The following CLVS1 variants were observed in gnomAD, a reference collection of about 807,000 sequenced individuals.
CLVS1 encodes clavesin 1.
A neutral mutation model predicts 33.1 loss-of-function variants in CLVS1; 10 were observed. The observed-to-expected ratio is 0.30, with a 90% confidence interval of 0.19 to 0.51. The LOEUF (loss-of-function observed/expected upper bound fraction) is 0.51, where lower values mean the gene tolerates loss of function less well. Among genes scored for constraint, CLVS1 ranks in the 20% least tolerant of loss-of-function variants. The probability of loss-of-function intolerance (pLI) is 0.97; values close to 1 mark genes in which losing one functional copy is unlikely to be tolerated. For missense variants in CLVS1, 343 were observed against 433.4 expected, an observed-to-expected ratio of 0.79 and a Z score of 1.85; for synonymous variants, 163 against 166.1, an observed-to-expected ratio of 0.98 and a Z score of 0.14.
chr8:61,253,088 C>T (rs563600888), intron 2 of CLVS1, among the ~76,000 whole-genome samples: 6 of 152,202 alleles, frequency 3.9e-5, no homozygotes, highest in East Asian at 3.9e-4. Flanking sequence ...TTAGTGCTTC[C>T]TTCAGGAGCT....
intron 2 of CLVS1, among the ~76,000 whole-genome samples, chr8:61,269,384 T>A (rs962198708): frequency 2.0e-5 from 3 of 152,176 alleles, no homozygotes; most frequent in African/African-American, 7.2e-5. Flanking sequence ...ATATCTCTAT[T>A]TTGGTACCAG....
intron 1 of CLVS1, among the ~76,000 whole-genome samples, chr8:61,065,555 G>T (rs183144246): frequency 6.6e-6 from 1 of 152,306 alleles, no homozygotes; most frequent in Admixed American, 6.5e-5. Context: ...GTTGTGTATA[G>T]TAAGAGACAT....
the CLVS1 span, among the ~76,000 whole-genome samples, chr8:61,003,121 C>G: frequency 1.3e-5 from 2 of 152,106 alleles, no homozygotes; most frequent in African/African-American, 4.8e-5. Flanking sequence ...TGAGTAACTT[C>G]TAGAGGGACT....
chr8:61,076,844 C>A (rs973749783), intron 1 of CLVS1, among the ~76,000 whole-genome samples: 2 of 152,190 alleles, frequency 1.3e-5, no homozygotes, highest in Admixed American at 1.3e-4. Flanking sequence ...ACACCAAAGG[C>A]CAGAGTCCCT....
At chr8:60,988,371 C>T in the CLVS1 span, among the ~76,000 whole-genome samples, 1 of 152,108 alleles carries the variant, frequency 6.6e-6, no homozygotes, top group African/African-American at 2.4e-5. Context: ...GTGCCTGGGA[C>T]AGCTTCTCTC....
the CLVS1 span, among the ~76,000 whole-genome samples, chr8:61,021,288 C>G: frequency 1.3e-5 from 2 of 152,162 alleles, no homozygotes; most frequent in Non-Finnish European, 2.9e-5. Flanking sequence ...GGCTGGTCTC[C>G]TGGGCAGAGC....
the CLVS1 span, among the ~76,000 whole-genome samples, chr8:60,977,245 C>A: frequency 2.0e-5 from 3 of 152,176 alleles, no homozygotes; most frequent in Admixed American, 6.5e-5. Flanking sequence ...TAACATAACA[C>A]TCAAAATATT....
At chr8:61,335,657 T>A (rs943705507) in intron 2 of CLVS1, among the ~76,000 whole-genome samples, 6 of 152,380 alleles carry the variant, frequency 3.9e-5, no homozygotes, top group African/African-American at 1.4e-4. Flanking sequence ...AAAATCTAGA[T>A]GACATATAAG....
intron 3 of CLVS1, among the ~76,000 whole-genome samples, chr8:61,418,467 C>G (rs941777937): frequency 2.0e-5 from 3 of 152,170 alleles, no homozygotes; most frequent in Admixed American, 6.5e-5. Context: ...TCCCTTACCC[C>G]CTCCATTACC....
chr8:61,153,414 T>G (rs1806582587), intron 2 of CLVS1, among the ~76,000 whole-genome samples: 1 of 152,178 alleles, frequency 6.6e-6, no homozygotes, highest in African/African-American at 2.4e-5. Flanking sequence ...GGAGGCCTTG[T>G]GAAAATGTTT....
chr8:61,137,817 G>T (rs1280778092), intron 2 of CLVS1, among the ~76,000 whole-genome samples: 2 of 152,182 alleles, frequency 1.3e-5, no homozygotes, highest in Non-Finnish European at 2.9e-5. Flanking sequence ...GCCCTTTCCA[G>T]TCTGCAAAGG....
At chr8:61,393,326 T>A (rs1264368067) in intron 3 of CLVS1, among the ~76,000 whole-genome samples, 1 of 152,190 alleles carries the variant, frequency 6.6e-6, no homozygotes, top group Non-Finnish European at 1.5e-5. Context: ...AAAAAAAATC[T>A]CTTTAAGTCG....
intron 1 of CLVS1, among the ~76,000 whole-genome samples, chr8:61,121,733 G>A (rs1321652717): frequency 6.6e-6 from 1 of 152,112 alleles, no homozygotes; most frequent in Non-Finnish European, 1.5e-5. Context: ...CACAAAAACA[G>A]CAGGACAGTT....
chr8:61,161,710 A>G (rs1032445510), intron 2 of CLVS1, among the ~76,000 whole-genome samples: 7 of 152,240 alleles, frequency 4.6e-5, no homozygotes, highest in Admixed American at 3.9e-4. Context: ...AATAAGTTCT[A>G]GAGATCTGAT....
intron 2 of CLVS1, among the ~76,000 whole-genome samples, chr8:61,369,443 C>T (rs186638113): frequency 1.9e-4 from 29 of 152,204 alleles, no homozygotes; most frequent in Admixed American, 1.3e-3. Flanking sequence ...GAGTGTCTCA[C>T]GTGAATTCCC....
At chr8:61,308,911 A>C (rs1418412860) in intron 2 of CLVS1, among the ~76,000 whole-genome samples, 1 of 152,136 alleles carries the variant, frequency 6.6e-6, no homozygotes, top group East Asian at 1.9e-4. Context: ...CCGACCCTGC[A>C]CTCAGTTTCC....
chr8:61,066,669 G>A (rs1804687101), intron 1 of CLVS1, among the ~76,000 whole-genome samples: 1 of 152,176 alleles, frequency 6.6e-6, no homozygotes, highest in South Asian at 2.1e-4. Flanking sequence ...GGTCAACGGA[G>A]GTTGCCCTGA....
the CLVS1 span, among the ~76,000 whole-genome samples, chr8:61,008,819 T>C: frequency 1.3e-5 from 2 of 152,238 alleles, no homozygotes; most frequent in African/African-American, 4.8e-5. Flanking sequence ...TTCCCAGGAA[T>C]AGAAGTTATC....
chr8:61,007,465 G>A, the CLVS1 span, among the ~76,000 whole-genome samples: 4 of 152,158 alleles, frequency 2.6e-5, no homozygotes, highest in East Asian at 3.8e-4. Flanking sequence ...AGTCACTATC[G>A]TTAGTTTAGT....
Sources: allele counts gnomAD v4.1 joint callset (sites outside exome capture counted in the v4.1 genomes callset), GRCh38; gene constraint gnomAD v4.1.1; transcripts MANE v1.5; gene names NCBI Gene and HGNC (gene_info 2026-07-23, HGNC 2026-07-21).